Variants in HCN2 observed in about 807,000 individuals in gnomAD.
The protein encoded by HCN2 is hyperpolarization activated cyclic nucleotide gated potassium and sodium channel 2, also known as potassium/sodium hyperpolarization-activated cyclic nucleotide-gated channel 2.
Under a neutral mutation model 52.3 loss-of-function variants are expected in HCN2, and 20 were observed. The observed-to-expected ratio is 0.38, with a 90% CI of 0.27 to 0.56. The LOEUF (loss-of-function observed/expected upper bound fraction) is 0.56, where lower values mean the gene tolerates loss of function less well. HCN2 is among the 20% of genes least tolerant of loss of function. The pLI is 0.71. For missense variants in HCN2, 981 were observed against 1,207.7 expected, an observed-to-expected ratio of 0.81 and a Z score of 2.78; for synonymous variants, 694 against 537.0, an observed-to-expected ratio of 1.29 and a Z score of -4.04.
At chr19:593,496 T>G (rs1178415661) in intron 1 of HCN2, among the ~76,000 whole-genome samples, 1 of 152,186 alleles carries the variant, frequency 6.6e-6, no homozygotes, top group Non-Finnish European at 1.5e-5. Context: ...GACGAGCGCC[T>G]GTAATCCCAG....
intron 5 of HCN2, among the ~76,000 whole-genome samples, chr19:611,726 C>T (rs1983644963): frequency 6.6e-6 from 1 of 152,194 alleles, no homozygotes. Context: ...CACTCCAGAA[C>T]ATTCTCATGG....
In HCN2 at chr19:591,574, C is replaced by T. The variant is rs1319934961; in HGVS notation, c.632+997C>T. Among the ~76,000 whole-genome samples, 2 of 151,964 alleles carry T rather than the reference C, an allele frequency of 1.3e-5. No homozygotes were observed. The highest frequency in any genetic ancestry group is 4.8e-5 in the African/African-American group (2 of 41,370). On this transcript the variant is annotated intron_variant, in intron 1 of 7. Transcript: ENST00000251287. The surrounding 1 kb of genome is among the most constrained non-coding windows in gnomAD (Gnocchi z 4.1). ...GGATGCGTGTGTGTTTGTGTATCCACGAGTGGGGTGTGAGGTGGGGTGTGG... is the reference window on the plus strand; with the variant it reads ...GGATGCGTGTGTGTTTGTGTATCCATGAGTGGGGTGTGAGGTGGGGTGTGG...
At chr19:612,194 C>T (rs1035851523) in intron 5 of HCN2, among the ~76,000 whole-genome samples, 8 of 151,904 alleles carry the variant, frequency 5.3e-5, no homozygotes, top group South Asian at 2.1e-4. Flanking sequence ...GGGCACAGCT[C>T]GATAGCTGGT....
chr19:607,422 C>T (rs533977741), intron 3 of HCN2, among the ~76,000 whole-genome samples: 14 of 152,336 alleles, frequency 9.2e-5, no homozygotes, highest in African/African-American at 3.4e-4. Context: ...AGAGGGAAGA[C>T]CCGCCAGTGC....
chr19:595,348 TC>T (rs918359162), intron 1 of HCN2, among the ~76,000 whole-genome samples: 7 of 128,948 alleles, frequency 5.4e-5, no homozygotes, highest in African/African-American at 2.1e-4. Context: ...GCCAGATGCC[TC>T]CCCGTCCCCC....
Position 613,458 on chromosome 19 carries a change from A to C in HCN2, c.1795A>C (p.Met599Leu), listed in dbSNP as rs1313005049. The change falls in exon 6 of 8, where the codon ATG becomes CTG. Residue 599 changes from methionine to leucine, a missense_variant. Coordinates refer to ENST00000251287, the MANE Select transcript of HCN2 (RefSeq NM_001194.4). ...VSVLTKGNKE[M>L]KLSDGSYFGE... ...CGTGCTCACTAAGGGCAACAAGGAG[A>C]TGAAGCTGTCCGATGGCTCCTACTT... The C allele has an allele frequency of 2.6e-6, 4 of 1,557,662 alleles. No homozygotes were observed. Among genetic ancestry groups the C allele is most frequent in the Non-Finnish European group, 3.5e-6 (4 of 1,146,276 alleles).
In HCN2 at chr19:616,033, G is replaced by A. The variant is rs1195312773; in HGVS notation, c.2229G>A (p.Ala743=). ...CCATGAGCTTCTGCCCGCAGGTGGC[G>A]CGGCCGCTCGTGGGGCCGCTGGCGC... The part of the protein sequence containing the change: ...AAAMSFCPQV[A]RPLVGPLALG... Residue 743 remains alanine, a synonymous_variant, in exon 8 of 8, where the codon GCG becomes GCA. Coordinates refer to ENST00000251287, the MANE Select transcript of HCN2 (RefSeq NM_001194.4). 1.4e-5 allele frequency: 19 copies of A among 1,311,380 alleles called. No individual in the cohort carries two copies. The highest frequency in any genetic ancestry group is 9.5e-5 in the East Asian group (3 of 31,498). 81.2% of individuals were successfully genotyped at this position (1,311,380 alleles called of 1,614,324 possible). A position where few individuals can be genotyped will look rare whatever the true frequency, so the allele number is the denominator to read the frequency against.
intron 5 of HCN2, among the ~76,000 whole-genome samples, chr19:612,385 T>G (rs965356065): frequency 2.9e-5 from 4 of 137,746 alleles, no homozygotes; most frequent in African/African-American, 1.1e-4. Context: ...CGAATGTAGC[T>G]TTCCACTGGT....
At chr19:598,683 G>A (rs1464399824) in intron 1 of HCN2, among the ~76,000 whole-genome samples, 1 of 151,994 alleles carries the variant, frequency 6.6e-6, no homozygotes, top group Non-Finnish European at 1.5e-5. Context: ...CTCACTGCAA[G>A]CTCCGCCTCC....
rs1600544368 is a variant in HCN2, at chr19:616,421, G to A, written c.2617G>A (p.Gly873Ser). ...RRDSASPGAA[G>S]GLDPQDSARS... ...GGACTCGGCCTCACCCGGCGCCGCC[G>A]GCGGCCTGGACCCCCAGGACTCCGC... is the stretch of plus-strand genomic sequence containing the variant. The change falls in exon 8 of 8, where the codon GGC (glycine) becomes AGC (serine). Residue 873 changes from glycine to serine, a missense_variant. Physicochemically the swap from Gly to Ser is moderately conservative, Grantham distance 56. Coordinates refer to ENST00000251287, the MANE Select transcript of HCN2 (RefSeq NM_001194.4). The A allele has an allele frequency of 4.0e-6, 5 of 1,240,680 alleles. No individual in the cohort carries two copies. Among genetic ancestry groups the A allele is most frequent in the Non-Finnish European group, 5.1e-6 (5 of 989,746 alleles). 76.9% of individuals were successfully genotyped at this position (1,240,680 alleles called of 1,614,324 possible). A position where few individuals can be genotyped will look rare whatever the true frequency, so the allele number is the denominator to read the frequency against.
In HCN2 at chr19:615,761, C is replaced by T. The variant is rs367892864; in HGVS notation, c.1991-34C>T. The T allele has an allele frequency of 2.2e-4, 361 of 1,605,004 alleles. 1 individual carries two copies. In the African/African-American group the frequency reaches 4.2e-3, roughly 19 times the overall value. On this transcript the variant is annotated intron_variant, in intron 7 of 7. Transcript: ENST00000251287. ...GTGCCCGCTGTACGCAGCAGGCGCT[C>T]CCTGTGCACACGCTAACGCCCCCTC...
chr19:606,697 A>T lies in HCN2; in HGVS notation c.1219-1267A>T, dbSNP rs1983437924. Among the ~76,000 whole-genome samples, 3 of 150,990 alleles carry T rather than the reference A, an allele frequency of 2.0e-5. No individual in the cohort carries two copies. In the South Asian group the frequency reaches 6.3e-4, roughly 32 times the overall value. On this transcript the variant is annotated intron_variant, in intron 3 of 7. Transcript: ENST00000251287. Reference sequence around the variant, plus strand: ...CTGAAACCCCGTCTCTACTAAAAATAAAAAATTAGCCAGGCGTGGTGGCGC... The same window carrying T: ...CTGAAACCCCGTCTCTACTAAAAATTAAAAATTAGCCAGGCGTGGTGGCGC...
chr19:614,929 G>A (rs1037013432), intron 7 of HCN2, among the ~76,000 whole-genome samples: 1 of 152,136 alleles, frequency 6.6e-6, no homozygotes, highest in African/African-American at 2.4e-5. Context: ...TGGCTGAAAC[G>A]CAGGACAGGT....
Position 616,338 on chromosome 19 carries a change from C to T in HCN2, c.2534C>T (p.Thr845Ile). The change falls in exon 8 of 8, where the codon ACA (threonine) becomes ATA (isoleucine). Residue 845 changes from threonine to isoleucine, a missense_variant. Thr to Ile is a moderately conservative substitution (Grantham distance 89). Coordinates refer to ENST00000251287, the MANE Select transcript of HCN2 (RefSeq NM_001194.4). ...TCCACACGCCCGGCCAGCAGCTCCACACCGCGCTTGGGGCCCACGCCCGCT... is the reference window on the plus strand; with the variant it reads ...TCCACACGCCCGGCCAGCAGCTCCATACCGCGCTTGGGGCCCACGCCCGCT... ...AASTRPASSS[T>I]PRLGPTPAAR... is the part of the protein sequence containing the mutation. The T allele has an allele frequency of 8.3e-7, 1 of 1,206,104 alleles. No individual in the cohort carries two copies. Among genetic ancestry groups the T allele is most frequent in the Non-Finnish European group, 1.0e-6 (1 of 958,236 alleles). 74.7% of individuals were successfully genotyped at this position (1,206,104 alleles called of 1,614,324 possible). A position where few individuals can be genotyped will look rare whatever the true frequency, so the allele number is the denominator to read the frequency against.
chr19:596,504 A>G (rs1432847903), intron 1 of HCN2, among the ~76,000 whole-genome samples: 4 of 152,096 alleles, frequency 2.6e-5, no homozygotes, highest in Non-Finnish European at 5.9e-5. Flanking sequence ...AAGTGGCAGG[A>G]CCCCCGCGTT....
chr19:605,989 G>T (rs936962537), intron 3 of HCN2, among the ~76,000 whole-genome samples: 5 of 152,200 alleles, frequency 3.3e-5, no homozygotes, highest in Non-Finnish European at 7.4e-5. Context: ...GGGATCATCC[G>T]TGGAGAGAAG....
At chr19:613,707 G>A in intron 6 of HCN2, 145 bp from the exon 7 acceptor site, 1 of 600,096 alleles carries the variant, frequency 1.7e-6, no homozygotes, top group Non-Finnish European at 2.4e-6. Flanking sequence ...ATGGGGCCGG[G>A]GATGGGGCCG....
chr19:595,367 C>T (rs1162148673), intron 1 of HCN2, among the ~76,000 whole-genome samples: 3 of 151,790 alleles, frequency 2.0e-5, no homozygotes, highest in Non-Finnish European at 4.4e-5. Context: ...CCCTTTCTGG[C>T]CTCCCGGCTG....
intron 3 of HCN2, among the ~76,000 whole-genome samples, chr19:607,149 C>A (rs916622480): frequency 2.0e-5 from 3 of 151,710 alleles, no homozygotes; most frequent in African/African-American, 7.3e-5. Context: ...CCAGCCTGGG[C>A]GACAAGAGCG....
Sources: allele counts gnomAD v4.1 joint callset (sites outside exome capture counted in the v4.1 genomes callset), GRCh38; gene constraint gnomAD v4.1.1; non-coding constraint Gnocchi (gnomAD v3.1); transcripts MANE v1.5; gene names NCBI Gene and HGNC (gene_info 2026-07-23, HGNC 2026-07-21).